Variants in PYCARD observed in about 807,000 individuals in gnomAD.
PYCARD encodes apoptosis-associated speck-like protein containing a CARD.
In PYCARD, 10 loss-of-function variants were observed where a neutral mutation model predicts 10.0. The observed-to-expected ratio is 1.00, with a 90% CI of 0.62 to 1.69. PYCARD has a LOEUF of 1.69. PYCARD is among the 40% of genes most tolerant of loss of function. The pLI is 0.00. For synonymous variants in PYCARD, 121 were observed against 122.3 expected (o/e 0.99, Z 0.07); for missense variants, 239 against 260.2 (o/e 0.92, Z 0.56).
rs1354718161 is a variant in PYCARD at position 31,202,749 on chromosome 16, G to T, written c.-59C>A. 2 of 1,506,538 alleles carry T rather than the reference G, an allele frequency of 1.3e-6. No homozygotes were observed. Among genetic ancestry groups the T allele is most frequent in the African/African-American group, 1.4e-5 (1 of 71,842 alleles). The allele number at this position is 1,506,538 out of a possible 1,614,324, so 93.3% of individuals were successfully genotyped here. On this transcript the variant is annotated 5_prime_UTR_variant, in exon 1 of 3. Coordinates refer to ENST00000247470, the MANE Select transcript of PYCARD (RefSeq NM_013258.5). This position sits in a 1 kb window ranked among gnomAD's most constrained non-coding sequence, Gnocchi z 4.5. ...CCCCGCTGCAGCCGCCGACCAGGAG[G>T]AAGTCGGCTCCGGGGCGGAACCTGG...
chr16:31,201,528 T>G lies in PYCARD; in HGVS notation c.*57A>C, dbSNP rs1400243342. On this transcript the variant is annotated 3_prime_UTR_variant, in exon 3 of 3. Coordinates refer to ENST00000247470, the MANE Select transcript of PYCARD (RefSeq NM_013258.5). ...TATATTGTGTATAAAAAGATCAGAT[T>G]CAGGATGATTTGGTGGGATTGCCAG... The G allele has an allele frequency of 1.6e-5, 25 of 1,580,804 alleles. No individual in the cohort carries two copies. Among genetic ancestry groups the G allele is most frequent in the Non-Finnish European group, 2.0e-5 (23 of 1,163,134 alleles).
Sources: gnomAD v4.1 joint callset for allele counts on GRCh38, gnomAD v4.1.1 for gene constraint, Gnocchi (gnomAD v3.1) non-coding constraint, MANE v1.5 for transcripts, NCBI Gene and HGNC (gene_info 2026-07-23, HGNC 2026-07-21) for gene names.